CD99L2: variants seen among roughly 807,000 people sequenced by gnomAD.
The protein encoded by CD99L2 is CD99 molecule like 2.
CD99L2 carries 24 observed loss-of-function variants against 27.3 expected under a neutral mutation model. The observed-to-expected ratio is 0.88, with a 90% confidence interval of 0.64 to 1.24. CD99L2 has a LOEUF of 1.24. Among genes scored for constraint, CD99L2 ranks in the 50% most tolerant of loss-of-function variants. CD99L2 has a pLI of 0.00. For synonymous variants in CD99L2, 97 were observed against 87.9 expected (o/e 1.10, Z -0.58); for missense variants, 255 against 221.6 (o/e 1.15, Z -0.96).
chrX:150,859,975 T>C (rs1557421856), intron 1 of CD99L2, among the ~76,000 whole-genome samples: 3 of 111,099 alleles, frequency 2.7e-5, no homozygotes, highest in Non-Finnish European at 5.7e-5. Flanking sequence ...CCTAACTTAT[T>C]CTATGAGGCC....
chrX:150,897,422 AC>A (rs782640215), intron 1 of CD99L2, among the ~76,000 whole-genome samples: 361 of 112,355 alleles, frequency 3.2e-3, no homozygotes, highest in Non-Finnish European at 5.3e-3. Context: ...CACATGAAAA[AC>A]ATTTCTGCAT....
intron 1 of CD99L2, among the ~76,000 whole-genome samples, chrX:150,883,180 A>G (rs2047358552): frequency 9.0e-6 from 1 of 111,442 alleles, no homozygotes; most frequent in Admixed American, 9.5e-5. Context: ...CAAGAGCAAA[A>G]CTCCATCTCA....
At chrX:150,872,132 G>C (rs1247325953) in intron 1 of CD99L2, among the ~76,000 whole-genome samples, 1 of 110,961 alleles carries the variant, frequency 9.0e-6, no homozygotes, top group Non-Finnish European at 1.9e-5. Context: ...TTGGGAGTCT[G>C]AGGTGGAAGG....
intron 2 of CD99L2, chrX:150,828,844 T>C (rs782035903): frequency 7.1e-5 from 8 of 111,910 alleles, no homozygotes; most frequent in African/African-American, 2.6e-4. Context: ...CAGCGTTTTT[T>C]ATAATATAAA....
intron 9 of CD99L2, among the ~76,000 whole-genome samples, chrX:150,775,716 G>A (rs1242815034): frequency 1.8e-5 from 2 of 112,511 alleles, no homozygotes; most frequent in African/African-American, 6.5e-5. Context: ...AATAAGGGCC[G>A]TGCTTTGCAA....
chrX:150,821,226 A>G (rs2046238642), intron 2 of CD99L2, among the ~76,000 whole-genome samples: 1 of 112,193 alleles, frequency 8.9e-6, no homozygotes, highest in African/African-American at 3.2e-5. Context: ...CTTTAAAAAA[A>G]GAGCAAAATA....
intron 7 of CD99L2, among the ~76,000 whole-genome samples, chrX:150,778,498 A>G (rs1442863748): frequency 1.1e-5 from 1 of 88,661 alleles, no homozygotes; most frequent in Non-Finnish European, 2.2e-5. Context: ...GGCTGTGCAC[A>G]TGTGGGGGTG....
intron 7 of CD99L2, among the ~76,000 whole-genome samples, chrX:150,792,329 G>A (rs952722544): frequency 1.8e-5 from 2 of 112,113 alleles, no homozygotes; most frequent in Admixed American, 1.9e-4. Flanking sequence ...GTGCTTACAC[G>A]TGTGCCTACT....
chrX:150,880,327 C>T (rs112948080), intron 1 of CD99L2, among the ~76,000 whole-genome samples: 1,277 of 112,338 alleles, frequency 0.011, 29 homozygotes, highest in African/African-American at 0.039. Context: ...CAGATAAACA[C>T]CATGTGGTCT....
intron 1 of CD99L2, among the ~76,000 whole-genome samples, chrX:150,884,837 C>T (rs1200216269): frequency 8.9e-6 from 1 of 112,181 alleles, no homozygotes; most frequent in East Asian, 2.8e-4. Flanking sequence ...CCTGGCAGCA[C>T]TACTTAAAAT....
intron 1 of CD99L2, among the ~76,000 whole-genome samples, chrX:150,844,379 T>C (rs1248966667): frequency 8.9e-6 from 1 of 112,049 alleles, no homozygotes. Flanking sequence ...TGGCCAATTC[T>C]ACAAATGTCT....
chrX:150,804,231 C>A (rs1051199191), intron 4 of CD99L2, among the ~76,000 whole-genome samples: 1 of 111,984 alleles, frequency 8.9e-6, no homozygotes, highest in Non-Finnish European at 1.9e-5. Flanking sequence ...CACAATGGTA[C>A]AAAACTAGAA....
At chrX:150,789,550 G>T (rs1557419659) in intron 7 of CD99L2, among the ~76,000 whole-genome samples, 1 of 111,837 alleles carries the variant, frequency 8.9e-6, no homozygotes. Flanking sequence ...AAAGTATAAA[G>T]TATTATGTGT....
chrX:150,848,178 G>GT (rs2046732836), intron 1 of CD99L2, among the ~76,000 whole-genome samples: 1 of 104,322 alleles, frequency 9.6e-6, no homozygotes, highest in Admixed American at 1.1e-4. Flanking sequence ...TTCAAATAAT[G>GT]TGTGTCCACT....
chrX:150,841,315 C>T (rs185492110), intron 1 of CD99L2, among the ~76,000 whole-genome samples: 1 of 112,358 alleles, frequency 8.9e-6, no homozygotes, highest in African/African-American at 3.2e-5. Flanking sequence ...GTGTCTGTAT[C>T]CATATCTATA....
intron 1 of CD99L2, among the ~76,000 whole-genome samples, chrX:150,895,167 C>T (rs1350123932): frequency 2.7e-5 from 3 of 111,138 alleles, no homozygotes; most frequent in African/African-American, 6.6e-5. Flanking sequence ...GGTAATGTGG[C>T]GAGGCAGAGG....
At chrX:150,867,354 G>A (rs1352000295) in intron 1 of CD99L2, among the ~76,000 whole-genome samples, 10 of 111,661 alleles carry the variant, frequency 9.0e-5, no homozygotes, top group South Asian at 3.7e-4. Flanking sequence ...AGGTTGTAGT[G>A]AGCTGAGATC....
At chrX:150,893,453 C>T (rs782236958) in intron 1 of CD99L2, among the ~76,000 whole-genome samples, 26 of 108,871 alleles carry the variant, frequency 2.4e-4, no homozygotes, top group Admixed American at 1.1e-3. Flanking sequence ...CATGAGGCTT[C>T]TGCTTGGATC....
In CD99L2 at chrX:150,788,855, C is replaced by A. The variant is rs914411811; in HGVS notation, c.496+4836G>T. Among the ~76,000 whole-genome samples, 3 of 111,733 alleles carry A rather than the reference C, an allele frequency of 2.7e-5. No homozygotes were observed. In the South Asian group the frequency reaches 1.1e-3, roughly 42 times the overall value. On this transcript the variant is annotated intron_variant, in intron 7 of 10. Transcript: ENST00000370377. ...CAAGCTCTCTTCCAAGGTGGCCGTA[C>A]CATTTTGCATTCTCACAAACAATGA...
Sources: allele counts gnomAD v4.1 joint callset (sites outside exome capture counted in the v4.1 genomes callset), GRCh38; gene constraint gnomAD v4.1.1; transcripts MANE v1.5; gene names NCBI Gene and HGNC (gene_info 2026-07-23, HGNC 2026-07-21).